RALGPS1: variants seen among roughly 807,000 people sequenced by gnomAD.
The protein encoded by RALGPS1 is ras-specific guanine nucleotide-releasing factor RalGPS1.
RALGPS1 carries 19 observed loss-of-function variants against 78.8 expected under a neutral mutation model. The ratio of observed to expected loss-of-function variants is 0.24; its 90% CI spans 0.17 to 0.35. RALGPS1 has a LOEUF of 0.35. Ranked by LOEUF, RALGPS1 falls within the 10% of genes least tolerant of loss-of-function variation. The pLI, the probability that RALGPS1 is intolerant of heterozygous loss-of-function variation, is 1.00. For missense variants in RALGPS1, 454 were observed against 688.3 expected (o/e 0.66, Z 3.81); for synonymous variants, 228 against 256.3 (o/e 0.89, Z 1.06).
intron 5 of RALGPS1, 67 bp from the exon 6 acceptor site, chr9:127,049,976 G>T: frequency 8.6e-7 from 1 of 1,158,364 alleles, no homozygotes; most frequent in Non-Finnish European, 1.3e-6. Context: ...AGGGGGACAC[G>T]GGTGGTCCAG....
At chr9:127,131,252 A>T (rs2056986091) in intron 8 of RALGPS1, among the ~76,000 whole-genome samples, 1 of 152,236 alleles carries the variant, frequency 6.6e-6, no homozygotes, top group Admixed American at 6.5e-5. Flanking sequence ...AAAGCTGACA[A>T]GAGTTATTTG....
chr9:126,950,944 GAGA>G (rs1185359636), intron 1 of RALGPS1, among the ~76,000 whole-genome samples: 1 of 151,900 alleles, frequency 6.6e-6, no homozygotes, highest in East Asian at 1.9e-4. Flanking sequence ...GAAAAAAAGA[GAGA>G]AGAATAAAAT....
At chr9:127,182,275 G>T (rs2060273996) in intron 11 of RALGPS1, among the ~76,000 whole-genome samples, 1 of 151,374 alleles carries the variant, frequency 6.6e-6, no homozygotes, top group African/African-American at 2.4e-5. Flanking sequence ...ATTCCTTACA[G>T]CCTGTAGAAC....
intron 4 of RALGPS1, among the ~76,000 whole-genome samples, chr9:127,016,278 C>G (rs1337496401): frequency 3.3e-5 from 5 of 152,154 alleles, no homozygotes; most frequent in Admixed American, 2.0e-4. Context: ...CTGCAATTGC[C>G]CAGTCTCCAG....
chr9:127,209,217 C>G (rs1588576042), intron 14 of RALGPS1, among the ~76,000 whole-genome samples: 1 of 152,246 alleles, frequency 6.6e-6, no homozygotes, highest in South Asian at 2.1e-4. Flanking sequence ...AGAGCAGCCC[C>G]GGAGGTAGCC....
chr9:126,921,819 G>A (rs1201205409), intron 1 of RALGPS1, among the ~76,000 whole-genome samples: 1 of 152,218 alleles, frequency 6.6e-6, no homozygotes, highest in Non-Finnish European at 1.5e-5. Context: ...TTAGCAGAGG[G>A]CTTGCACATT....
At chr9:127,109,170 A>G (rs2054556475) in intron 8 of RALGPS1, among the ~76,000 whole-genome samples, 1 of 152,142 alleles carries the variant, frequency 6.6e-6, no homozygotes, top group Admixed American at 6.5e-5. Context: ...CTCTTCTGCT[A>G]CCTTTGGTTC....
intron 3 of RALGPS1, among the ~76,000 whole-genome samples, chr9:126,966,253 TC>T: frequency 6.6e-6 from 1 of 152,194 alleles, no homozygotes; most frequent in Admixed American, 6.5e-5. Flanking sequence ...GCAAGGTGGC[TC>T]ACGCCTATAA....
At chr9:127,003,749 C>T (rs1198657691) in intron 4 of RALGPS1, among the ~76,000 whole-genome samples, 1 of 151,444 alleles carries the variant, frequency 6.6e-6, no homozygotes, top group Non-Finnish European at 1.5e-5. Flanking sequence ...GATACATGTG[C>T]AGGATGTGCA....
intron 4 of RALGPS1, chr9:126,989,859 A>T: frequency 1.3e-6 from 2 of 1,548,738 alleles, no homozygotes; most frequent in Non-Finnish European, 1.7e-6. Context: ...GCTTGACTTG[A>T]CCAGCATCTG....
rs537221964 is a variant in RALGPS1, at chr9:127,011,465, A to G, written c.217-22966A>G. On this transcript the variant is annotated intron_variant, in intron 4 of 18. Transcript: ENST00000259351. ...AGTGCTGGGATTACAGGCGTGAGCC[A>G]CTGTGCCTGGCCAAGAGCCCATTTT... Among the ~76,000 whole-genome samples the G allele has an allele frequency of 5.9e-5, 9 of 152,326 alleles. No individual in the cohort carries two copies. In the East Asian group the frequency reaches 1.2e-3, roughly 20 times the overall value.
chr9:127,063,952 C>G (rs1009879901), intron 7 of RALGPS1, among the ~76,000 whole-genome samples: 17 of 152,068 alleles, frequency 1.1e-4, no homozygotes, highest in African/African-American at 3.6e-4. Flanking sequence ...GGCAGTGTTT[C>G]CTCTGTGTCA....
At chr9:126,924,252 G>A (rs1265406371) in intron 1 of RALGPS1, among the ~76,000 whole-genome samples, 1 of 152,196 alleles carries the variant, frequency 6.6e-6, no homozygotes, top group Non-Finnish European at 1.5e-5. Flanking sequence ...TGCTTCAGGG[G>A]CCTTTGTTGA....
chr9:126,968,002 C>CTTTTT (rs745689127), intron 3 of RALGPS1, among the ~76,000 whole-genome samples: 6 of 130,634 alleles, frequency 4.6e-5, no homozygotes, highest in African/African-American at 8.3e-5. Flanking sequence ...GAGTTCAATT[C>CTTTTT]TTTTTTTTTT....
intron 8 of RALGPS1, among the ~76,000 whole-genome samples, chr9:127,112,259 T>G (rs1428826035): frequency 6.6e-6 from 1 of 152,226 alleles, no homozygotes; most frequent in East Asian, 1.9e-4. Context: ...AGTTTGGAAG[T>G]GTTTGCCTCG....
At chr9:127,162,631 G>A (rs915941039) in intron 8 of RALGPS1, among the ~76,000 whole-genome samples, 14 of 152,260 alleles carry the variant, frequency 9.2e-5, no homozygotes, top group African/African-American at 2.6e-4. Flanking sequence ...TATGGCCTTG[G>A]CTCACACTCC....
intron 13 of RALGPS1, among the ~76,000 whole-genome samples, chr9:127,198,814 G>T (rs1339136531): frequency 6.6e-6 from 1 of 152,188 alleles, no homozygotes; most frequent in Non-Finnish European, 1.5e-5. Flanking sequence ...CAGAGGACCT[G>T]CCTGGAACAG....
rs1211598597 is a variant in RALGPS1 at position 127,069,326 on chromosome 9, C to T, written c.580C>T (p.Leu194=). The part of the protein sequence containing the change: ...YKRTREYIRS[L]KMVPSIPYLG... The stretch of plus-strand genomic sequence containing the variant: ...GCGGACACGGGAATATATCCGAAGC[C>T]TGAAGATGGTTCCAAGTATTCCCTA... Residue 194 remains leucine (L), a synonymous_variant, in exon 8 of 19, where the codon CTG becomes TTG. Transcript: ENST00000259351. 6.2e-7 allele frequency: 1 copy of T among 1,613,910 alleles called. No individual in the cohort carries two copies. The highest frequency in any genetic ancestry group is 8.5e-7 in the Non-Finnish European group (1 of 1,179,916).
At chr9:127,173,896 C>T (rs2059695333) in intron 10 of RALGPS1, among the ~76,000 whole-genome samples, 1 of 152,138 alleles carries the variant, frequency 6.6e-6, no homozygotes, top group African/African-American at 2.4e-5. Flanking sequence ...GCCTGTAATC[C>T]CACCTACTTG....
Sources: allele counts gnomAD v4.1 joint callset (sites outside exome capture counted in the v4.1 genomes callset), GRCh38; gene constraint gnomAD v4.1.1; transcripts MANE v1.5; gene names NCBI Gene and HGNC (gene_info 2026-07-23, HGNC 2026-07-21).